The following ERICH1 variants were observed in gnomAD, a reference collection of about 807,000 sequenced individuals.
ERICH1 encodes the protein glutamate-rich protein 1.
ERICH1 carries 56 observed loss-of-function variants against 39.6 expected under a neutral mutation model. The observed-to-expected ratio is 1.41, with a 90% CI of 1.14 to 1.77. The LOEUF (loss-of-function observed/expected upper bound fraction) is 1.77. Among genes scored for constraint, ERICH1 ranks in the 40% most tolerant of loss-of-function variants. The pLI, the probability that ERICH1 is intolerant of heterozygous loss-of-function variation, is 0.00. For synonymous variants in ERICH1, 313 were observed against 223.6 expected, an observed-to-expected ratio of 1.40 and a Z score of -3.57; for missense variants, 826 against 575.4, an observed-to-expected ratio of 1.44 and a Z score of -4.45.
intron 3 of ERICH1, among the ~76,000 whole-genome samples, chr8:656,560 T>G (rs765951326): frequency 1.3e-5 from 2 of 152,230 alleles, no homozygotes; most frequent in Non-Finnish European, 2.9e-5. Context: ...CTGCCCTTTG[T>G]AATGCGTCAT....
chr8:621,214 T>G (rs1797262654), intron 3 of ERICH1, among the ~76,000 whole-genome samples: 1 of 151,916 alleles, frequency 6.6e-6, no homozygotes, highest in South Asian at 2.1e-4. Context: ...GAAAAAAACT[T>G]GAGAAGGATG....
At chr8:631,287 C>G (rs1022540301) in intron 3 of ERICH1, among the ~76,000 whole-genome samples, 6 of 152,326 alleles carry the variant, frequency 3.9e-5, no homozygotes, top group Non-Finnish European at 8.8e-5. Context: ...CCTGCTCCAC[C>G]TCTGTGAGTG....
intron 4 of ERICH1, 39 bp downstream of exon 4, chr8:673,250 G>C: frequency 6.5e-7 from 1 of 1,544,094 alleles, no homozygotes; most frequent in Non-Finnish European, 8.7e-7. Flanking sequence ...ACTTTTAAGT[G>C]GATGTCACTA....
At position 673,776 on chromosome 8, in the gene ERICH1, G is replaced by A. The variant is rs770224976; in HGVS notation, c.576C>T (p.Pro192=). Residue 192 remains proline, a synonymous_variant, in exon 4 of 6, where the codon CCC becomes CCT. Transcript: ENST00000262109. ...CTTCCCCTTCATTGCTGCTGTCCTCGGGCTGGTACATGAAACTGACACCAG... is the reference window on the plus strand; with the variant it reads ...CTTCCCCTTCATTGCTGCTGTCCTCAGGCTGGTACATGAAACTGACACCAG... ...KAAGVSFMYQ[P]EDSSNEGEGV... is the part of the protein sequence containing the mutation. 28 of 1,614,024 alleles carry A rather than the reference G, an allele frequency of 1.7e-5. No homozygotes were observed. In the South Asian group the frequency reaches 2.0e-4, roughly 11 times the overall value.
chr8:696,908 C>T (rs1423377764), intron 2 of ERICH1, among the ~76,000 whole-genome samples: 2 of 150,852 alleles, frequency 1.3e-5, no homozygotes, highest in Non-Finnish European at 3.0e-5. Flanking sequence ...CCCTCTCCTT[C>T]CTCCCCATCA....
At chr8:651,284 A>G (rs1799913618) in intron 3 of ERICH1, among the ~76,000 whole-genome samples, 1 of 152,222 alleles carries the variant, frequency 6.6e-6, no homozygotes, top group African/African-American at 2.4e-5. Context: ...CCTGCCTGAC[A>G]CTGTGACACT....
At chr8:639,517 A>G (rs57753450) in intron 3 of ERICH1, among the ~76,000 whole-genome samples, 2 of 152,204 alleles carry the variant, frequency 1.3e-5, no homozygotes, top group East Asian at 1.9e-4. Flanking sequence ...GTCATCAGCC[A>G]CCAATCCAGT....
chr8:685,750 T>G (rs781009401), intron 3 of ERICH1, among the ~76,000 whole-genome samples: 1 of 152,196 alleles, frequency 6.6e-6, no homozygotes, highest in Non-Finnish European at 1.5e-5. Flanking sequence ...CGAGGCCTTG[T>G]CTGGCATTTC....
rs1811615388 is a variant in ERICH1, at chr8:700,199, G to GC, written c.170-7588dup. On this transcript the variant is annotated intron_variant, in intron 2 of 5. Transcript: ENST00000262109. ...CGCACAGGCCCGCACACGCGCACAG[G>GC]CCGGCACAGGCGCACACACCCGCAC... Among the ~76,000 whole-genome samples, 26 of 83,890 alleles carry GC rather than the reference G, an allele frequency of 3.1e-4. 2 individuals are homozygous for GC. Among genetic ancestry groups the GC allele is most frequent in the South Asian group, 4.4e-4 (1 of 2,278 alleles). The allele number at this position is 83,890 out of a possible 152,430, so 55.0% of individuals were successfully genotyped here.
chr8:635,591 G>A (rs1240914375), intron 3 of ERICH1, among the ~76,000 whole-genome samples: 1 of 152,216 alleles, frequency 6.6e-6, no homozygotes, highest in Non-Finnish European at 1.5e-5. Flanking sequence ...CAGCCGGCCC[G>A]GCCCCGACCT....
rs1046567573 is a variant in ERICH1, at chr8:715,790, C to T, written c.169+71G>A. ...GCCCGAGGCCCAAAAGACACATTCT[C>T]CAAGGCAAGTGATGATGACGGAGGT... On this transcript the variant is annotated intron_variant, in intron 2 of 5. Transcript: ENST00000262109. 153 of 1,546,982 alleles carry T rather than the reference C, an allele frequency of 9.9e-5. No homozygotes were observed. The Middle Eastern group carries it at 1.6e-3, about 16-fold the overall frequency.
chr8:617,159 A>T (rs1003066959), intron 3 of ERICH1, among the ~76,000 whole-genome samples: 1 of 152,090 alleles, frequency 6.6e-6, no homozygotes, highest in East Asian at 1.9e-4. Flanking sequence ...GCAGGAGTCC[A>T]CTCAGGGCAC....
At chr8:625,381 G>A (rs896821593) in intron 3 of ERICH1, among the ~76,000 whole-genome samples, 4 of 152,200 alleles carry the variant, frequency 2.6e-5, no homozygotes, top group African/African-American at 4.8e-5. Flanking sequence ...AGGAGGCCAG[G>A]TAGTGTCGTG....
At chr8:674,663 A>G (rs546972561) in intron 3 of ERICH1, among the ~76,000 whole-genome samples, 2 of 152,108 alleles carry the variant, frequency 1.3e-5, no homozygotes, top group East Asian at 1.9e-4. Flanking sequence ...TATGGGGGGG[A>G]AACCCGTATT....
chr8:630,564 T>G (rs1669663), intron 3 of ERICH1, among the ~76,000 whole-genome samples: 2 of 21,156 alleles, frequency 9.5e-5, no homozygotes, highest in African/African-American at 2.2e-4. Flanking sequence ...CACACACCCT[T>G]CTGTGACCAC....
chr8:640,987 G>A (rs530598084), intron 3 of ERICH1: 2 of 152,292 alleles, frequency 1.3e-5, no homozygotes, highest in East Asian at 3.9e-4. Context: ...GGATAGTTCA[G>A]CTCACTTTTC....
chr8:660,490 G>A (rs115298808), downstream of ERICH1, among the ~76,000 whole-genome samples: 2,629 of 152,296 alleles, frequency 0.017, 63 homozygotes, highest in African/African-American at 0.06. Context: ...CGGAGCCTCT[G>A]TCCTGCGGCC....
At chr8:674,726 C>G (rs535963595) in intron 3 of ERICH1, among the ~76,000 whole-genome samples, 2 of 152,216 alleles carry the variant, frequency 1.3e-5, no homozygotes, top group African/African-American at 2.4e-5. Flanking sequence ...TCTAAAGTTA[C>G]TTGTGTGTGA....
intron 2 of ERICH1, among the ~76,000 whole-genome samples, chr8:702,138 T>C (rs1363085256): frequency 6.7e-6 from 1 of 150,198 alleles, no homozygotes; most frequent in East Asian, 1.9e-4. Flanking sequence ...TTGCTGGGCT[T>C]TGAAGCATCT....
Sources: allele counts gnomAD v4.1 joint callset (sites outside exome capture counted in the v4.1 genomes callset), GRCh38; gene constraint gnomAD v4.1.1; transcripts MANE v1.5; gene names NCBI Gene and HGNC (gene_info 2026-07-23, HGNC 2026-07-21).